Variants in SUSD6 observed in about 807,000 individuals in gnomAD.
SUSD6 encodes sushi domain-containing protein 6.
SUSD6 carries 16 observed loss-of-function variants against 28.4 expected under a neutral mutation model. The observed-to-expected ratio is 0.56, with a 90% CI of 0.38 to 0.86. SUSD6 has a LOEUF of 0.86. Ranked by LOEUF, SUSD6 falls within the 40% of genes least tolerant of loss-of-function variation. SUSD6 has a pLI of 0.00. For synonymous variants in SUSD6, 147 were observed against 159.6 expected (o/e 0.92, Z 0.59); for missense variants, 341 against 384.2 (o/e 0.89, Z 0.94).
At chr14:69,642,216 G>A (rs191129194) in intron 1 of SUSD6, among the ~76,000 whole-genome samples, 9 of 152,256 alleles carry the variant, frequency 5.9e-5, no homozygotes, top group Admixed American at 4.6e-4. Context: ...CAGTTACTTG[G>A]AATTGGTTTG....
intron 1 of SUSD6, among the ~76,000 whole-genome samples, chr14:69,619,784 C>CA (rs887766709): frequency 1.3e-4 from 19 of 150,200 alleles, no homozygotes; most frequent in East Asian, 5.9e-4. Context: ...AACAAACAAA[C>CA]AAAAAAAAAC....
rs546624603 is a variant in SUSD6 at position 69,713,718 on chromosome 14, G to A, written c.*2739G>A. 1 of 152,178 alleles carries A rather than the reference G, an allele frequency of 6.6e-6. No individual in the cohort carries two copies. The highest frequency in any genetic ancestry group is 2.1e-4 in the South Asian group (1 of 4,834). 9.4% of individuals were successfully genotyped at this position (152,178 alleles called of 1,614,324 possible). A position where few individuals can be genotyped will look rare whatever the true frequency, so the allele number is the denominator to read the frequency against. ...GGTGGAAGAAACCGGCCACAGCCCT[G>A]CTTTACCGGGCTCACCTCTAGGGCA... On this transcript the variant is annotated 3_prime_UTR_variant, in exon 6 of 6. Transcript: ENST00000342745.
intron 2 of SUSD6, among the ~76,000 whole-genome samples, chr14:69,669,830 A>G (rs961862813): frequency 5.9e-5 from 9 of 152,360 alleles, no homozygotes; most frequent in African/African-American, 2.2e-4. Flanking sequence ...AATGGAATTA[A>G]CAAGAGCTCC....
At chr14:69,703,171 A>AGG (rs1886336262) in intron 2 of SUSD6, among the ~76,000 whole-genome samples, 1 of 152,044 alleles carries the variant, frequency 6.6e-6, no homozygotes, top group Admixed American at 6.5e-5. Context: ...CATGGTGGGG[A>AGG]GGGAGGGGGA....
At chr14:69,650,551 T>C (rs988226679) in intron 1 of SUSD6, among the ~76,000 whole-genome samples, 1 of 152,160 alleles carries the variant, frequency 6.6e-6, no homozygotes, top group African/African-American at 2.4e-5. Context: ...CCCTCAGTCA[T>C]GTTGAAGCTG....
At chr14:69,656,370 A>G (rs1484587433) in intron 1 of SUSD6, among the ~76,000 whole-genome samples, 2 of 152,140 alleles carry the variant, frequency 1.3e-5, no homozygotes, top group Non-Finnish European at 2.9e-5. Flanking sequence ...GTCATTCTTG[A>G]TGATCCACTG....
chr14:69,639,764 G>A (rs1885321476), intron 1 of SUSD6, among the ~76,000 whole-genome samples: 1 of 152,062 alleles, frequency 6.6e-6, no homozygotes, highest in African/African-American at 2.4e-5. Flanking sequence ...GTGTGTTGTG[G>A]GATGTTTAGT....
intron 2 of SUSD6, among the ~76,000 whole-genome samples, chr14:69,674,331 G>A (rs1431296815): frequency 6.6e-6 from 1 of 152,082 alleles, no homozygotes; most frequent in African/African-American, 2.4e-5. Context: ...TGGAATAAGC[G>A]GTTGTATCCA....
intron 2 of SUSD6, among the ~76,000 whole-genome samples, chr14:69,669,518 T>C (rs1885798695): frequency 6.6e-6 from 1 of 152,188 alleles, no homozygotes; most frequent in South Asian, 2.1e-4. Flanking sequence ...AGAGTGCCAC[T>C]TGGGTGGGGT....
At chr14:69,658,904 G>T (rs927179777) in intron 2 of SUSD6, among the ~76,000 whole-genome samples, 191 bp downstream of exon 2, 2 of 152,158 alleles carry the variant, frequency 1.3e-5, no homozygotes, top group African/African-American at 2.4e-5. Context: ...GAGGAGGGGC[G>T]TGTGGGAGCC....
chr14:69,673,656 C>T (rs1010728428), intron 2 of SUSD6, among the ~76,000 whole-genome samples: 3 of 152,230 alleles, frequency 2.0e-5, no homozygotes, highest in South Asian at 4.2e-4. Flanking sequence ...GGAGCCAGAC[C>T]TGGTGAGCCC....
At chr14:69,706,305 T>A (rs1193192440) in intron 4 of SUSD6, among the ~76,000 whole-genome samples, 1 of 152,094 alleles carries the variant, frequency 6.6e-6, no homozygotes, top group African/African-American at 2.4e-5. Flanking sequence ...TTGTTAAAAG[T>A]AACTGGCTAG....
chr14:69,713,117 A>G lies in SUSD6; in HGVS notation c.*2138A>G, dbSNP rs1192560218. 1 of 152,228 alleles carries G rather than the reference A, an allele frequency of 6.6e-6. No individual in the cohort carries two copies. 9.4% of individuals were successfully genotyped at this position (152,228 alleles called of 1,614,324 possible). On this transcript the variant is annotated 3_prime_UTR_variant, in exon 6 of 6. Coordinates refer to ENST00000342745, the MANE Select transcript of SUSD6 (RefSeq NM_014734.4). ...ATTCTATTCTAGAATGGTTTTTAAA[A>G]TGGAAGATCTTACCTTTTTCTATCT... is the stretch of plus-strand genomic sequence containing the variant.
chr14:69,689,832 A>G (rs1165877394), intron 2 of SUSD6, among the ~76,000 whole-genome samples: 1 of 152,110 alleles, frequency 6.6e-6, no homozygotes, highest in Non-Finnish European at 1.5e-5. Flanking sequence ...TGCCTGGCTA[A>G]TTTTTGTATT....
chr14:69,638,720 T>C (rs910415838), intron 1 of SUSD6, among the ~76,000 whole-genome samples: 4 of 152,198 alleles, frequency 2.6e-5, no homozygotes, highest in African/African-American at 9.7e-5. Context: ...TAATGGACCA[T>C]ACTTTGAATA....
At chr14:69,659,719 A>G (rs951366661) in intron 2 of SUSD6, among the ~76,000 whole-genome samples, 7 of 152,126 alleles carry the variant, frequency 4.6e-5, no homozygotes, top group African/African-American at 1.7e-4. Flanking sequence ...GGGTTTCACC[A>G]TGTTGGCCAG....
At position 69,704,630 on chromosome 14, in the gene SUSD6, G is replaced by T. The variant is rs1397800721; in HGVS notation, c.346G>T (p.Val116Phe). 6.2e-7 allele frequency: 1 copy of T among 1,614,036 alleles called. No homozygotes were observed. The highest frequency in any genetic ancestry group is 1.7e-5 in the Admixed American group (1 of 59,992). Residue 116 changes from valine to phenylalanine, a missense_variant, in exon 4 of 6, where the codon GTC (valine) becomes TTC (phenylalanine). Physicochemically the swap from Val to Phe is conservative, Grantham distance 50. Coordinates refer to ENST00000342745, the MANE Select transcript of SUSD6 (RefSeq NM_014734.4). ...TAAAGACACCCACACATCACTTGGG[G>T]TCCCCACGCTGTCTATAGTGGCTTC... ...EDKDTHTSLG[V>F]PTLSIVASTA...
chr14:69,650,455 G>A lies in SUSD6; in HGVS notation c.-80-8058G>A, dbSNP rs139291570. On this transcript the variant is annotated intron_variant, in intron 1 of 5. Coordinates refer to ENST00000342745, the MANE Select transcript of SUSD6 (RefSeq NM_014734.4). ...CTGCCATAATTTTTCCATGATACTG[G>A]CCTCCCTGAGAGATACATAGTTCAA... Among the ~76,000 whole-genome samples, 207 of 152,116 alleles carry A rather than the reference G, an allele frequency of 1.4e-3. 1 individual carries two copies. The highest frequency in any genetic ancestry group is 4.2e-3 in the African/African-American group (173 of 41,492).
chr14:69,613,098 T>A (rs1172838446), intron 1 of SUSD6, among the ~76,000 whole-genome samples: 1 of 152,208 alleles, frequency 6.6e-6, no homozygotes, highest in Non-Finnish European at 1.5e-5. Context: ...GGGGGAGGTA[T>A]GTCTACATCT....
Sources: gnomAD v4.1 joint callset for allele counts (sites outside exome capture counted in the v4.1 genomes callset) on GRCh38, gnomAD v4.1.1 for gene constraint, MANE v1.5 for transcripts, NCBI Gene and HGNC (gene_info 2026-07-23, HGNC 2026-07-21) for gene names.